Variants in LSAMP observed in about 807,000 individuals in gnomAD.
LSAMP encodes limbic system-associated membrane protein.
Under a neutral mutation model 38.6 loss-of-function variants are expected in LSAMP, and 7 were observed. The observed-to-expected ratio is 0.18, with a 90% confidence interval of 0.10 to 0.34. The LOEUF is 0.34. LSAMP is among the 10% of genes least tolerant of loss of function. LSAMP has a pLI of 1.00. For missense variants in LSAMP, 313 were observed against 420.0 expected, an observed-to-expected ratio of 0.75 and a Z score of 2.23; for synonymous variants, 154 against 166.8, an observed-to-expected ratio of 0.92 and a Z score of 0.59.
intron 3 of LSAMP, among the ~76,000 whole-genome samples, chr3:115,918,274 A>G (rs934128206): frequency 1.3e-5 from 2 of 152,226 alleles, no homozygotes; most frequent in African/African-American, 4.8e-5. Flanking sequence ...GTTATGGATT[A>G]TTCTTCTTGG....
At chr3:115,810,620 T>C (rs993749324) in intron 6 of LSAMP, among the ~76,000 whole-genome samples, 1 of 152,222 alleles carries the variant, frequency 6.6e-6, no homozygotes, top group African/African-American at 2.4e-5. Context: ...AGGGGCATCA[T>C]TGGCTGAAAC....
chr3:116,107,250 T>C (rs138792352), intron 1 of LSAMP, among the ~76,000 whole-genome samples: 3,408 of 151,668 alleles, frequency 0.022, 130 homozygotes, highest in African/African-American at 0.077. Context: ...TAAGGAAGAG[T>C]GAGTACAGCT....
chr3:116,224,299 T>C (rs1406538259), intron 1 of LSAMP, among the ~76,000 whole-genome samples: 2 of 152,242 alleles, frequency 1.3e-5, no homozygotes, highest in Non-Finnish European at 2.9e-5. Context: ...TCAAGCATTT[T>C]ACAAGATTTC....
intron 1 of LSAMP, among the ~76,000 whole-genome samples, chr3:116,347,123 T>C (rs1490241899): frequency 2.0e-5 from 3 of 152,190 alleles, no homozygotes; most frequent in African/African-American, 7.2e-5. Flanking sequence ...TTTTCTAATC[T>C]TGCTTATGGC....
At chr3:116,152,985 AAAAGG>A (rs1709646563) in intron 1 of LSAMP, among the ~76,000 whole-genome samples, 1 of 152,048 alleles carries the variant, frequency 6.6e-6, no homozygotes, top group South Asian at 2.1e-4. Context: ...AAAAATACTC[AAAAGG>A]AGATTAGAAT....
intron 1 of LSAMP, among the ~76,000 whole-genome samples, chr3:116,330,416 G>A (rs1228496455): frequency 6.6e-6 from 1 of 152,030 alleles, no homozygotes; most frequent in East Asian, 1.9e-4. Flanking sequence ...TCTGATCTCC[G>A]ATTAATTCTT....
intron 3 of LSAMP, among the ~76,000 whole-genome samples, chr3:115,939,740 G>T (rs546854975): frequency 5.6e-4 from 85 of 152,036 alleles, no homozygotes; most frequent in African/African-American, 1.9e-3. Flanking sequence ...TTTTATTTTT[G>T]TAGAGATGGG....
At chr3:115,926,278 T>G (rs1400846240) in intron 3 of LSAMP, among the ~76,000 whole-genome samples, 1 of 152,150 alleles carries the variant, frequency 6.6e-6, no homozygotes, top group East Asian at 1.9e-4. Flanking sequence ...ACAGAGGGAT[T>G]AAGGGAACTC....
chr3:116,441,929 T>A (rs1323197516), intron 1 of LSAMP, among the ~76,000 whole-genome samples: 1 of 152,224 alleles, frequency 6.6e-6, no homozygotes. Context: ...TGTGGTTATC[T>A]TTAGTTCTTT....
chr3:116,166,985 G>GT (rs1186726395), intron 1 of LSAMP, among the ~76,000 whole-genome samples: 3 of 151,978 alleles, frequency 2.0e-5, no homozygotes, highest in East Asian at 1.9e-4. Flanking sequence ...TAGAGACGGG[G>GT]TTTCACCGTG....
At chr3:116,096,145 A>G (rs1708221815) in intron 1 of LSAMP, among the ~76,000 whole-genome samples, 1 of 152,226 alleles carries the variant, frequency 6.6e-6, no homozygotes, top group African/African-American at 2.4e-5. Flanking sequence ...TAATGTGTCC[A>G]ATATTTTCGA....
At chr3:116,061,172 GCAAACAGAAGCTTTTCTGTAT>G (rs1322585824) in intron 2 of LSAMP, among the ~76,000 whole-genome samples, 1 of 151,990 alleles carries the variant, frequency 6.6e-6, no homozygotes, top group Admixed American at 6.6e-5. Context: ...TTGCAAATAA[GCAAACAGAAGCTTTTCTGTAT>G]CAAGTAAATA....
rs945401984 is a variant in LSAMP, at chr3:115,803,925, C to T, written c.*6392G>A. 2.6e-5 allele frequency: 4 copies of T among 152,182 alleles called. No individual in the cohort carries two copies. Among genetic ancestry groups the T allele is most frequent in the Admixed American group, 1.3e-4 (2 of 15,280 alleles). The allele number at this position is 152,182 out of a possible 1,614,324, so 9.4% of individuals were successfully genotyped here. A position where few individuals can be genotyped will look rare whatever the true frequency, so the allele number is the denominator to read the frequency against. On this transcript the variant is annotated 3_prime_UTR_variant, in exon 7 of 7. Coordinates refer to ENST00000490035, the MANE Select transcript of LSAMP (RefSeq NM_002338.5). The stretch of plus-strand genomic sequence containing the variant: ...GAAAACTAATGTTTCCTTTCTTATG[C>T]ACAATGTCCTCATTTGTTACATGCA...
At chr3:116,340,399 T>A (rs2047976178) in intron 1 of LSAMP, among the ~76,000 whole-genome samples, 1 of 151,892 alleles carries the variant, frequency 6.6e-6, no homozygotes, top group Non-Finnish European at 1.5e-5. Flanking sequence ...CCAGTGTAGA[T>A]CAAAGTTATT....
chr3:116,243,412 C>T (rs1179875153), intron 1 of LSAMP, among the ~76,000 whole-genome samples: 2 of 152,114 alleles, frequency 1.3e-5, no homozygotes, highest in Non-Finnish European at 2.9e-5. Flanking sequence ...GGACTAACTG[C>T]CTGGGGCTAG....
intron 3 of LSAMP, among the ~76,000 whole-genome samples, chr3:115,925,245 G>A (rs1355610702): frequency 1.3e-5 from 2 of 152,132 alleles, no homozygotes; most frequent in Admixed American, 6.5e-5. Flanking sequence ...CTTGTGCTGT[G>A]GGACAAAGTC....
At chr3:116,157,326 C>A (rs1003490828) in intron 1 of LSAMP, among the ~76,000 whole-genome samples, 1 of 152,068 alleles carries the variant, frequency 6.6e-6, no homozygotes, top group Non-Finnish European at 1.5e-5. Context: ...GGAAAAGGGG[C>A]ATTTCTGAAG....
At chr3:116,007,323 G>A (rs557340393) in intron 3 of LSAMP, among the ~76,000 whole-genome samples, 24 of 152,140 alleles carry the variant, frequency 1.6e-4, no homozygotes, top group African/African-American at 5.8e-4. Flanking sequence ...TTCTCACAAA[G>A]TTTCTTAAGT....
chr3:115,898,287 G>A (rs557130555), intron 3 of LSAMP, among the ~76,000 whole-genome samples: 3 of 152,196 alleles, frequency 2.0e-5, no homozygotes, highest in African/African-American at 7.2e-5. Context: ...CCTTTCATAT[G>A]TTAATGTGAG....
Sources: gnomAD v4.1 joint callset for allele counts (sites outside exome capture counted in the v4.1 genomes callset) on GRCh38, gnomAD v4.1.1 for gene constraint, MANE v1.5 for transcripts, NCBI Gene and HGNC (gene_info 2026-07-23, HGNC 2026-07-21) for gene names.